RBFOX1: variants seen among roughly 807,000 people sequenced by gnomAD.
RBFOX1 encodes RNA binding fox-1 homolog 1, also known as RNA binding protein fox-1 homolog 1.
Under a neutral mutation model 57.7 loss-of-function variants are expected in RBFOX1, and 8 were observed. The observed-to-expected ratio is 0.14, with a 90% CI of 0.08 to 0.25. The LOEUF (loss-of-function observed/expected upper bound fraction) is 0.25, where lower values mean the gene tolerates loss of function less well. Ranked by LOEUF, RBFOX1 falls within the 10% of genes least tolerant of loss-of-function variation. The probability of loss-of-function intolerance (pLI) is 1.00; values close to 1 mark genes in which losing one functional copy is unlikely to be tolerated. For missense variants in RBFOX1, 611 were observed against 548.5 expected, an observed-to-expected ratio of 1.11 and a Z score of -1.14; for synonymous variants, 326 against 222.4, an observed-to-expected ratio of 1.47 and a Z score of -4.15.
chr16:7,046,995 T>G lies in RBFOX1; in HGVS notation c.-15-5062T>G, dbSNP rs527634985. Among the ~76,000 whole-genome samples, 8 of 152,094 alleles carry G rather than the reference T, an allele frequency of 5.3e-5. No homozygotes were observed. In the East Asian group the frequency reaches 1.6e-3, roughly 29 times the overall value. ...CCCCCCAGTTTTTTGCTTTAAGCCA[T>G]TAAACATATTTTAATGAACTCAAGA... On this transcript the variant is annotated intron_variant, in intron 3 of 15. Coordinates refer to ENST00000550418, the MANE Select transcript of RBFOX1 (RefSeq NM_018723.4).
At chr16:5,613,633 G>A (rs529721337) in intron 3 of RBFOX1, among the ~76,000 whole-genome samples, 21 of 152,200 alleles carry the variant, frequency 1.4e-4, no homozygotes, top group Admixed American at 2.6e-4. Flanking sequence ...ATCATTTCAT[G>A]GGGGGAGGCA....
At chr16:5,398,067 G>A (rs2066610710) in intron 1 of RBFOX1, among the ~76,000 whole-genome samples, 1 of 152,184 alleles carries the variant, frequency 6.6e-6, no homozygotes, top group Admixed American at 6.5e-5. Flanking sequence ...AACCACACGG[G>A]GCTGTGAGAG....
chr16:5,834,165 G>C (rs1447783509), intron 3 of RBFOX1, among the ~76,000 whole-genome samples: 1 of 152,100 alleles, frequency 6.6e-6, no homozygotes, highest in Non-Finnish European at 1.5e-5. Flanking sequence ...GTGGTTTTTG[G>C]TTACATGGAT....
intron 3 of RBFOX1, among the ~76,000 whole-genome samples, chr16:6,955,127 G>C (rs1440310036): frequency 1.3e-5 from 2 of 151,666 alleles, no homozygotes; most frequent in Non-Finnish European, 2.9e-5. Context: ...TGTAGTCCCA[G>C]CTACTTGGGA....
chr16:5,881,508 T>G (rs2057762230), intron 4 of RBFOX1, among the ~76,000 whole-genome samples: 1 of 151,924 alleles, frequency 6.6e-6, no homozygotes, highest in Non-Finnish European at 1.5e-5. Context: ...GATGAAACAC[T>G]GTCTGTACCA....
rs141060496 is a variant in RBFOX1 at position 7,051,959 on chromosome 16, C to G, written c.-15-98C>G. ...ACATAATTAATTAATTATGGGTTTT[C>G]TTTGAGCTGAGTAATTAAAAGTAAC... On this transcript the variant is annotated intron_variant, in intron 3 of 15. Coordinates refer to ENST00000550418, the MANE Select transcript of RBFOX1 (RefSeq NM_018723.4). The G allele has an allele frequency of 3.1e-3, 4,671 of 1,521,134 alleles. 137 individuals are homozygous for G. In the Admixed American group the frequency reaches 0.058, roughly 19 times the overall value. The allele number at this position is 1,521,134 out of a possible 1,614,324, so 94.2% of individuals were successfully genotyped here.
At chr16:6,571,322 G>C (rs747065410) in intron 2 of RBFOX1, among the ~76,000 whole-genome samples, 4 of 152,172 alleles carry the variant, frequency 2.6e-5, no homozygotes, top group Admixed American at 6.5e-5. Context: ...GGAAGCTGCA[G>C]GGGGTGACGG....
At chr16:6,162,959 C>G (rs2096890703) in intron 1 of RBFOX1, among the ~76,000 whole-genome samples, 1 of 152,138 alleles carries the variant, frequency 6.6e-6, no homozygotes, top group Non-Finnish European at 1.5e-5. Context: ...GTCTCGAACT[C>G]CTGACCTCAG....
intron 2 of RBFOX1, among the ~76,000 whole-genome samples, chr16:6,449,897 T>C (rs951561251): frequency 6.6e-6 from 1 of 152,140 alleles, no homozygotes; most frequent in Non-Finnish European, 1.5e-5. Context: ...GAAAAGGATG[T>C]TTTCCCTTCA....
At chr16:7,248,517 A>C (rs1209405919) in intron 4 of RBFOX1, among the ~76,000 whole-genome samples, 1 of 152,168 alleles carries the variant, frequency 6.6e-6, no homozygotes, top group Non-Finnish European at 1.5e-5. Flanking sequence ...TAGGGGTAGC[A>C]TTACTTAATT....
chr16:6,163,132 G>A lies in RBFOX1; in HGVS notation c.-127+143140G>A, dbSNP rs114784921. On this transcript the variant is annotated intron_variant, in intron 1 of 15. Transcript: ENST00000550418. ...CTTTAGACACAGCACTGAAGGAAGG[G>A]TTGTGGTGTAAGTAGATACCTAGAA... is the stretch of plus-strand genomic sequence containing the variant. 1.4e-3 allele frequency among the ~76,000 whole-genome samples: 209 copies of A among 152,238 alleles called. 2 individuals carry two copies. The highest frequency in any genetic ancestry group is 4.1e-3 in the African/African-American group (169 of 41,550).
At chr16:7,161,295 G>A (rs1484751186) in intron 4 of RBFOX1, among the ~76,000 whole-genome samples, 2 of 151,660 alleles carry the variant, frequency 1.3e-5, no homozygotes, top group Admixed American at 1.3e-4. Context: ...AATGCAGTAT[G>A]TGTAAGGAAT....
chr16:7,644,860 C>A (rs1037185313), intron 11 of RBFOX1, among the ~76,000 whole-genome samples: 5 of 152,062 alleles, frequency 3.3e-5, no homozygotes, highest in African/African-American at 1.2e-4. Context: ...AGAGGTAAAG[C>A]CTTTGGAGGG....
chr16:7,506,349 A>C (rs1011822056), intron 4 of RBFOX1, among the ~76,000 whole-genome samples: 5 of 152,122 alleles, frequency 3.3e-5, no homozygotes, highest in African/African-American at 1.2e-4. Flanking sequence ...ACCTGGCACT[A>C]ACAAGTTGTG....
chr16:5,460,710 C>T (rs1370824734), intron 1 of RBFOX1, among the ~76,000 whole-genome samples: 1 of 152,222 alleles, frequency 6.6e-6, no homozygotes, highest in Non-Finnish European at 1.5e-5. Flanking sequence ...ACTGCTGTTT[C>T]CTCCTCTTTT....
At chr16:6,252,816 C>T (rs1364826809) in intron 1 of RBFOX1, among the ~76,000 whole-genome samples, 1 of 152,114 alleles carries the variant, frequency 6.6e-6, no homozygotes, top group East Asian at 1.9e-4. Context: ...TCCTGATAAC[C>T]ACATTCTGAA....
At chr16:7,180,346 G>C (rs146174140) in intron 4 of RBFOX1, among the ~76,000 whole-genome samples, 6 of 152,096 alleles carry the variant, frequency 3.9e-5, no homozygotes, top group African/African-American at 1.4e-4. Flanking sequence ...GAGAAGTTCA[G>C]TTACAGATAC....
In RBFOX1 at chr16:7,400,908, T is replaced by A. The variant is rs142196185; in HGVS notation, c.28-117239T>A. On this transcript the variant is annotated intron_variant, in intron 4 of 15. Transcript: ENST00000550418. ...CAGTGCGGTTGATGATCTTTGCAAC[T>A]AAAGAAGCAAAATTGAAGTCTCACA... 1.5e-3 allele frequency among the ~76,000 whole-genome samples: 231 copies of A among 152,300 alleles called. 2 individuals are homozygous for A. The highest frequency in any genetic ancestry group is 0.01 in the Middle Eastern group (3 of 294).
chr16:6,600,287 TTCTC>T (rs1567830958), intron 2 of RBFOX1, among the ~76,000 whole-genome samples: 1 of 152,158 alleles, frequency 6.6e-6, no homozygotes, highest in Non-Finnish European at 1.5e-5. Flanking sequence ...CCCTACCTGG[TTCTC>T]TCTCCTCCCC....
Sources: allele counts gnomAD v4.1 joint callset (sites outside exome capture counted in the v4.1 genomes callset), GRCh38; gene constraint gnomAD v4.1.1; transcripts MANE v1.5; gene names NCBI Gene and HGNC (gene_info 2026-07-23, HGNC 2026-07-21).